Variants in PRKCE observed in about 807,000 individuals in gnomAD.
The protein encoded by PRKCE is protein kinase C epsilon type.
PRKCE carries 16 observed loss-of-function variants against 85.4 expected under a neutral mutation model. The observed-to-expected ratio is 0.19, with a 90% confidence interval of 0.13 to 0.28. The LOEUF (loss-of-function observed/expected upper bound fraction) is 0.28, where lower values mean the gene tolerates loss of function less well. Among genes scored for constraint, PRKCE ranks in the 10% least tolerant of loss-of-function variants. The pLI, the probability that PRKCE is intolerant of heterozygous loss-of-function variation, is 1.00. For missense variants in PRKCE, 573 were observed against 975.2 expected, an observed-to-expected ratio of 0.59 and a Z score of 5.49; for synonymous variants, 388 against 371.5, an observed-to-expected ratio of 1.04 and a Z score of -0.51.
intron 1 of PRKCE, among the ~76,000 whole-genome samples, chr2:45,788,755 T>C (rs1255427847): frequency 6.6e-6 from 1 of 152,242 alleles, no homozygotes; most frequent in Non-Finnish European, 1.5e-5. Context: ...CTTTATTACT[T>C]ACTTTCTGTC....
intron 1 of PRKCE, among the ~76,000 whole-genome samples, chr2:45,703,900 A>G (rs952950362): frequency 2.6e-4 from 39 of 152,358 alleles, no homozygotes; most frequent in African/African-American, 8.9e-4. Flanking sequence ...AGCTTGTTTT[A>G]TATTACTGGT....
intron 11 of PRKCE, among the ~76,000 whole-genome samples, chr2:46,103,109 C>T (rs965398287): frequency 6.6e-6 from 1 of 152,196 alleles, no homozygotes; most frequent in East Asian, 1.9e-4. Flanking sequence ...TTATTTATAT[C>T]AATATGAACT....
At chr2:45,820,029 A>G (rs1689395790) in intron 1 of PRKCE, among the ~76,000 whole-genome samples, 1 of 152,182 alleles carries the variant, frequency 6.6e-6, no homozygotes, top group African/African-American at 2.4e-5. Flanking sequence ...GGATTGCAGT[A>G]CTTTTACAGG....
chr2:45,676,185 T>C (rs1676439242), intron 1 of PRKCE: 1 of 152,204 alleles, frequency 6.6e-6, no homozygotes, highest in African/African-American at 2.4e-5. Flanking sequence ...TTATCAGTGG[T>C]AAGTTTCCCA....
At chr2:45,982,440 C>T (rs899194570) in intron 5 of PRKCE, among the ~76,000 whole-genome samples, 22 of 152,298 alleles carry the variant, frequency 1.4e-4, no homozygotes, top group African/African-American at 4.8e-4. Context: ...AACACTCGGC[C>T]GGTCCCCCCC....
chr2:46,032,635 A>T (rs1329100391), intron 10 of PRKCE, among the ~76,000 whole-genome samples: 1 of 152,208 alleles, frequency 6.6e-6, no homozygotes, highest in Admixed American at 6.5e-5. Flanking sequence ...AAAAATGCCC[A>T]GGCAACAATG....
chr2:46,027,365 A>C (rs1707192201), intron 10 of PRKCE, among the ~76,000 whole-genome samples: 1 of 152,074 alleles, frequency 6.6e-6, no homozygotes, highest in Non-Finnish European at 1.5e-5. Flanking sequence ...AAGAAAAACA[A>C]GATCATGATT....
intron 2 of PRKCE, among the ~76,000 whole-genome samples, chr2:45,974,011 C>G (rs1457441088): frequency 1.3e-5 from 2 of 152,318 alleles, no homozygotes; most frequent in East Asian, 1.9e-4. Flanking sequence ...GTTAAGGGTG[C>G]TCTTTTACGA....
At chr2:45,867,415 A>G (rs1430933911) in intron 2 of PRKCE, among the ~76,000 whole-genome samples, 1 of 152,232 alleles carries the variant, frequency 6.6e-6, no homozygotes, top group Non-Finnish European at 1.5e-5. Context: ...ATATACTACA[A>G]GGTTATTTGT....
At chr2:46,182,795 A>G (rs1004242304) in intron 14 of PRKCE, among the ~76,000 whole-genome samples, 1 of 152,174 alleles carries the variant, frequency 6.6e-6, no homozygotes, top group African/African-American at 2.4e-5. Flanking sequence ...GTCTCCACCC[A>G]TGCTTGCCTA....
At chr2:46,146,309 A>G (rs1676066293) in intron 12 of PRKCE, among the ~76,000 whole-genome samples, 1 of 152,274 alleles carries the variant, frequency 6.6e-6, no homozygotes, top group Non-Finnish European at 1.5e-5. Flanking sequence ...CATGGCGGAT[A>G]GGTATTAGCA....
intron 2 of PRKCE, among the ~76,000 whole-genome samples, chr2:45,874,584 G>A (rs1694333014): frequency 6.6e-6 from 1 of 152,230 alleles, no homozygotes; most frequent in African/African-American, 2.4e-5. Context: ...CTTTAGAAGA[G>A]TCACATGGGG....
chr2:45,993,373 C>G (rs768095840), intron 6 of PRKCE, among the ~76,000 whole-genome samples: 18 of 152,318 alleles, frequency 1.2e-4, no homozygotes, highest in Middle Eastern at 3.4e-3. Flanking sequence ...TTTCAAAGCA[C>G]TTTCAAAGTC....
chr2:45,801,309 G>A (rs1348065123), intron 1 of PRKCE, among the ~76,000 whole-genome samples: 2 of 152,174 alleles, frequency 1.3e-5, no homozygotes, highest in African/African-American at 2.4e-5. Flanking sequence ...CTTATTAGAG[G>A]TTGGATTTAA....
intron 2 of PRKCE, among the ~76,000 whole-genome samples, chr2:45,904,556 G>A (rs1043483731): frequency 1.3e-5 from 2 of 152,284 alleles, no homozygotes; most frequent in East Asian, 3.9e-4. Flanking sequence ...TGCTCGGTGG[G>A]TTGGGCTCTG....
chr2:46,063,658 G>A (rs969327661), intron 10 of PRKCE, among the ~76,000 whole-genome samples: 2 of 152,094 alleles, frequency 1.3e-5, no homozygotes, highest in East Asian at 1.9e-4. Context: ...CATGCTCCCA[G>A]GGCAGAGAAT....
At chr2:46,115,225 G>T (rs1265416384) in intron 11 of PRKCE, among the ~76,000 whole-genome samples, 1 of 152,236 alleles carries the variant, frequency 6.6e-6, no homozygotes, top group Non-Finnish European at 1.5e-5. Context: ...AGCTCAGCCT[G>T]TCACCTTGGC....
chr2:46,006,759 G>A (rs1326803638), intron 8 of PRKCE, among the ~76,000 whole-genome samples: 1 of 152,222 alleles, frequency 6.6e-6, no homozygotes, highest in East Asian at 1.9e-4. Context: ...AAGCTCTAGA[G>A]CGGGGCACAA....
chr2:46,181,360 T>C (rs548298590), intron 14 of PRKCE, among the ~76,000 whole-genome samples: 2 of 152,230 alleles, frequency 1.3e-5, no homozygotes, highest in South Asian at 4.1e-4. Context: ...ACCTGAAATG[T>C]CTCCAAGTAA....
Sources: allele counts gnomAD v4.1 joint callset (sites outside exome capture counted in the v4.1 genomes callset), GRCh38; gene constraint gnomAD v4.1.1; transcripts MANE v1.5; gene names NCBI Gene and HGNC (gene_info 2026-07-23, HGNC 2026-07-21).